Variants in TJP1 observed in about 807,000 individuals in gnomAD.
TJP1 encodes the protein tight junction protein ZO-1.
In TJP1, 43 loss-of-function variants were observed where a neutral mutation model predicts 194.2. That is an observed-to-expected ratio of 0.22 (90% confidence interval 0.17 to 0.29). TJP1 has a LOEUF of 0.29. Ranked by LOEUF, TJP1 falls within the 10% of genes least tolerant of loss-of-function variation. The pLI is 1.00. For missense variants in TJP1, 1,971 were observed against 2,185.7 expected, an observed-to-expected ratio of 0.90 and a Z score of 1.96; for synonymous variants, 801 against 779.0, an observed-to-expected ratio of 1.03 and a Z score of -0.47.
At chr15:29,711,343 T>C (rs952087628) in intron 23 of TJP1, among the ~76,000 whole-genome samples, 5 of 152,126 alleles carry the variant, frequency 3.3e-5, no homozygotes, top group African/African-American at 7.2e-5. Context: ...TGAAAACATA[T>C]CATGGCACAA....
chr15:29,852,892 G>A (rs1223545471), intron 2 of TJP1, among the ~76,000 whole-genome samples: 4 of 146,828 alleles, frequency 2.7e-5, no homozygotes, highest in Non-Finnish European at 4.5e-5. Flanking sequence ...CAACCACAGC[G>A]AAACTTCATC....
chr15:29,821,906 G>A, intron 1 of TJP1, 96 bp downstream of exon 1: 3 of 1,098,180 alleles, frequency 2.7e-6, no homozygotes, highest in East Asian at 9.8e-5. Context: ...GGCCCAGACA[G>A]CCGCCAGCGA....
Position 29,716,643 on chromosome 15 carries a change from C to G in TJP1, c.4170G>C (p.Gln1390His), listed in dbSNP as rs2042580924. The change falls in exon 23 of 28, where the codon CAG becomes CAC. Residue 1390 changes from glutamine to histidine, a missense_variant. Gln to His is a conservative substitution (Grantham distance 24). This residue lies in a region of TJP1 where 1,108 missense variants were observed against 1,128.5 expected (regional missense o/e 0.98). Transcript: ENST00000614355. ...LSEPAKPAHS[Q>H]NQSNFSSYSS... ...AATAACTAGAAAAATTTGATTGATT[C>G]TGAGAATGCGCTGGCTTTGCAGGCT... 6.2e-7 allele frequency: 1 copy of G among 1,613,410 alleles called. No homozygotes were observed. The highest frequency in any genetic ancestry group is 8.5e-7 in the Non-Finnish European group (1 of 1,179,518).
intron 2 of TJP1, among the ~76,000 whole-genome samples, chr15:29,955,422 G>A (rs2055897252): frequency 6.6e-6 from 1 of 152,010 alleles, no homozygotes; most frequent in Admixed American, 6.6e-5. Flanking sequence ...AAGTGCCAGT[G>A]TTCCTCCAAA....
Position 29,769,515 on chromosome 15 carries a change from C to T in TJP1, c.312+2549G>A, listed in dbSNP as rs372577884. Among the ~76,000 whole-genome samples the T allele has an allele frequency of 2.2e-4, 34 of 152,232 alleles. No homozygotes were observed. In the East Asian group the frequency reaches 5.0e-3, roughly 22 times the overall value. On this transcript the variant is annotated intron_variant, in intron 4 of 27. Coordinates refer to ENST00000614355, the MANE Select transcript of TJP1 (RefSeq NM_001330239.4). ...CAGCTGAATTTTAAAAAAATACTTG[C>T]GGACTGGACACTGAAATGCCTGTGA...
In TJP1 at chr15:29,837,678, G is replaced by A. The variant is rs1177890853; in HGVS notation, c.307-36976C>T. 3.3e-5 allele frequency among the ~76,000 whole-genome samples: 5 copies of A among 152,134 alleles called. No individual in the cohort carries two copies. In the South Asian group the frequency reaches 1.0e-3, roughly 31 times the overall value. On this transcript the variant is annotated intron_variant, in intron 2 of 28. Transcript: ENST00000356107. ...TACAAAGAAAACATAAATACAACAT[G>A]GCTAATTTAAAAGATAGTACCTATA...
chr15:29,814,628 A>T (rs1238245782), intron 1 of TJP1, among the ~76,000 whole-genome samples: 2 of 152,158 alleles, frequency 1.3e-5, no homozygotes, highest in Non-Finnish European at 2.9e-5. Flanking sequence ...GGGAATTTAC[A>T]TTTTTTTAAA....
At position 29,705,515 on chromosome 15, in the gene TJP1, T is replaced by TA. The variant is rs2041837571; in HGVS notation, c.5068+12dup. The TA allele has an allele frequency of 6.2e-7, 1 of 1,613,528 alleles. No individual in the cohort carries two copies. Among genetic ancestry groups the TA allele is most frequent in the South Asian group, 1.1e-5 (1 of 90,986 alleles). On this transcript the variant is annotated intron_variant, in intron 26 of 27. Transcript: ENST00000614355. Reference sequence around the variant, plus strand: ...AAGTTATCAAAACTAAGGAGAAAAATAAACACATTTACCTTTCTCTTTATC... The same window carrying TA: ...AAGTTATCAAAACTAAGGAGAAAAATAAAACACATTTACCTTTCTCTTTATC...
intron 2 of TJP1, among the ~76,000 whole-genome samples, chr15:29,914,206 C>T (rs1567191602): frequency 6.6e-6 from 1 of 152,198 alleles, no homozygotes; most frequent in Non-Finnish European, 1.5e-5. Context: ...GCATGGATTA[C>T]ACCTTAAATA....
intron 1 of TJP1, among the ~76,000 whole-genome samples, chr15:29,806,709 A>G (rs2049132788): frequency 6.6e-6 from 1 of 152,214 alleles, no homozygotes; most frequent in Non-Finnish European, 1.5e-5. Context: ...AGTGAATAAA[A>G]CAGATGACCC....
At chr15:29,856,301 A>G (rs1362005366) in intron 2 of TJP1, among the ~76,000 whole-genome samples, 1 of 152,228 alleles carries the variant, frequency 6.6e-6, no homozygotes, top group Admixed American at 6.5e-5. Flanking sequence ...ATAATACAAT[A>G]CAACATAGAT....
intron 2 of TJP1, among the ~76,000 whole-genome samples, chr15:29,926,614 GA>G (rs56803797): frequency 0.1 from 11,763 of 113,920 alleles, 922 homozygotes; most frequent in African/African-American, 0.26. Context: ...CTCCATTTCA[GA>G]AAAAAAAAAA....
Position 29,955,577 on chromosome 15 carries a change from C to T in TJP1, c.306+655G>A, listed in dbSNP as rs981884292. Among the ~76,000 whole-genome samples, 13 of 150,838 alleles carry T rather than the reference C, an allele frequency of 8.6e-5. 1 individual carries two copies. The highest frequency in any genetic ancestry group is 3.2e-4 in the African/African-American group (13 of 41,110). ...ACCAGCCAGGGCAACATAGTGAGAC[C>T]CCATATCTACAAAATATTAAAAAAC... is the stretch of plus-strand genomic sequence containing the variant. On this transcript the variant is annotated intron_variant, in intron 2 of 28. Transcript: ENST00000356107.
chr15:29,951,713 C>T (rs1947727318), intron 2 of TJP1, among the ~76,000 whole-genome samples: 1 of 152,056 alleles, frequency 6.6e-6, no homozygotes, highest in Non-Finnish European at 1.5e-5. Flanking sequence ...TGACTGAATC[C>T]CCTGTCACTC....
intron 2 of TJP1, among the ~76,000 whole-genome samples, chr15:29,949,646 A>T (rs867788364): frequency 2.3e-4 from 22 of 97,090 alleles, no homozygotes; most frequent in East Asian, 5.3e-4. Context: ...CACCTCCACC[A>T]CCACCACCTC....
rs1189988016 is a variant in TJP1 at position 29,718,281 on chromosome 15, G to A, written c.3861C>T (p.Asp1287=). 1.2e-6 allele frequency: 2 copies of A among 1,613,154 alleles called. No homozygotes were observed. Among genetic ancestry groups the A allele is most frequent in the South Asian group, 2.2e-5 (2 of 90,882 alleles). ...ASLETKKDVN[D]TGSFKPPEVA... The stretch of plus-strand genomic sequence containing the variant: ...ACATATTTACCTTAAAACTGCCAGT[G>A]TCATTTACATCCTTCTTGGTCTCTA... Residue 1287 remains aspartate, a synonymous_variant, in exon 21 of 28, where the codon GAC becomes GAT. Coordinates refer to ENST00000614355, the MANE Select transcript of TJP1 (RefSeq NM_001330239.4).
At position 29,728,036 on chromosome 15, in the gene TJP1, G is replaced by A; in HGVS notation, c.2018-17C>T. On this transcript the variant is annotated splice_polypyrimidine_tract_variant and intron_variant, in intron 15 of 27. Coordinates refer to ENST00000614355, the MANE Select transcript of TJP1 (RefSeq NM_001330239.4). Reference sequence around the variant, plus strand: ...GTTCACTCTCTATTCATTATGTCAGGACAAAAATAAGACATCAAATTTTCA... The same window carrying A: ...GTTCACTCTCTATTCATTATGTCAGAACAAAAATAAGACATCAAATTTTCA... The A allele has an allele frequency of 1.9e-6, 3 of 1,610,330 alleles. No homozygotes were observed. The highest frequency in any genetic ancestry group is 1.1e-5 in the South Asian group (1 of 90,892).
intron 1 of TJP1, among the ~76,000 whole-genome samples, 166 bp downstream of exon 1, chr15:29,821,836 C>T (rs1186245964): frequency 2.6e-5 from 3 of 115,766 alleles, no homozygotes; most frequent in South Asian, 2.7e-4. Flanking sequence ...AGGGGCTCCC[C>T]GCGGCCCGCG....
At chr15:29,810,489 A>G (rs79008317) in intron 1 of TJP1, among the ~76,000 whole-genome samples, 1,925 of 152,280 alleles carry the variant, frequency 0.013, 43 homozygotes, top group African/African-American at 0.045. Context: ...CTTTCAGAAT[A>G]GTAAGAAAAA....
Sources: gnomAD v4.1 joint callset for allele counts (sites outside exome capture counted in the v4.1 genomes callset) on GRCh38, gnomAD v4.1.1 for gene constraint, gnomAD v4.1.1 regional missense constraint, MANE v1.5 for transcripts, NCBI Gene and HGNC (gene_info 2026-07-23, HGNC 2026-07-21) for gene names.